ESR1: variants seen among roughly 807,000 people sequenced by gnomAD.
ESR1 encodes the protein estrogen receptor 1, also known as estrogen receptor.
A neutral mutation model predicts 52.7 loss-of-function variants in ESR1; 12 were observed. The observed-to-expected ratio is 0.23, with a 90% confidence interval of 0.15 to 0.37. The LOEUF is 0.37. Among genes scored for constraint, ESR1 ranks in the 10% least tolerant of loss-of-function variants. The pLI is 1.00. For synonymous variants in ESR1, 305 were observed against 316.8 expected, an observed-to-expected ratio of 0.96 and a Z score of 0.39; for missense variants, 584 against 779.7, an observed-to-expected ratio of 0.75 and a Z score of 2.99.
At chr6:151,932,947 G>C (rs1202969979) in intron 3 of ESR1, among the ~76,000 whole-genome samples, 97 of 151,180 alleles carry the variant, frequency 6.4e-4, no homozygotes, top group Non-Finnish European at 1.2e-3. Flanking sequence ...GCTCTTTTTT[G>C]GTTCCATATG....
chr6:151,701,759 A>G (rs1173260005), intron 1 of ESR1: 1 of 152,170 alleles, frequency 6.6e-6, no homozygotes, highest in Non-Finnish European at 1.5e-5. Flanking sequence ...AAGTGAGACT[A>G]CTTTTCTTTT....
intron 2 of ESR1, among the ~76,000 whole-genome samples, chr6:151,730,775 C>A (rs1782181032): frequency 6.6e-6 from 1 of 152,074 alleles, no homozygotes; most frequent in Admixed American, 6.6e-5. Context: ...AAAGAGTATC[C>A]CTGAAGACAT....
chr6:152,040,221 G>C (rs551674687), intron 5 of ESR1, among the ~76,000 whole-genome samples: 1 of 152,154 alleles, frequency 6.6e-6, no homozygotes, highest in Non-Finnish European at 1.5e-5. Flanking sequence ...GCCTTGGTAC[G>C]TGGAAGTCCA....
At position 151,717,825 on chromosome 6, in the gene ESR1, A is replaced by C. The variant is rs903417336; in HGVS notation, c.-71+15820A>C. On this transcript the variant is annotated intron_variant, in intron 2 of 2. Transcript: ENST00000404742. ...ATTGAATTAATAAAATTTAAGAATGAGAATAGGAATAATTGTGCTTTGAAA... is the reference window on the plus strand; with the variant it reads ...ATTGAATTAATAAAATTTAAGAATGCGAATAGGAATAATTGTGCTTTGAAA... Among the ~76,000 whole-genome samples the C allele has an allele frequency of 2.8e-4, 42 of 152,218 alleles. 2 individuals are homozygous for C. Among genetic ancestry groups the C allele is most frequent in the East Asian group, 7.7e-4 (4 of 5,204 alleles).
chr6:152,028,452 T>C (rs2044356852), intron 5 of ESR1, among the ~76,000 whole-genome samples: 1 of 152,190 alleles, frequency 6.6e-6, no homozygotes, highest in Non-Finnish European at 1.5e-5. Flanking sequence ...ACCCTAATAC[T>C]GGGCTTTTCC....
At chr6:151,712,247 C>G (rs767573239) in intron 2 of ESR1, among the ~76,000 whole-genome samples, 4 of 152,068 alleles carry the variant, frequency 2.6e-5, no homozygotes, top group Admixed American at 2.0e-4. Context: ...GTTACCGTAG[C>G]CTTGTAGTAT....
chr6:151,831,857 A>C (rs1782475884), intron 1 of ESR1, among the ~76,000 whole-genome samples: 1 of 152,120 alleles, frequency 6.6e-6, no homozygotes, highest in African/African-American at 2.4e-5. Context: ...TTATTAAACC[A>C]AGGGTCGTGC....
intron 6 of ESR1, chr6:152,112,856 C>T (rs1052178503): frequency 5.9e-5 from 9 of 152,234 alleles, no homozygotes; most frequent in African/African-American, 1.9e-4. Flanking sequence ...AAGACAAAAA[C>T]GTGAAGTCCC....
chr6:151,811,897 G>A (rs1778897380), intron 1 of ESR1, among the ~76,000 whole-genome samples: 2 of 151,960 alleles, frequency 1.3e-5, no homozygotes, highest in South Asian at 4.2e-4. Context: ...GTACCTGTTT[G>A]GAAGAAAGCT....
At chr6:151,914,662 A>C (rs1429691843) in intron 3 of ESR1, among the ~76,000 whole-genome samples, 1 of 152,202 alleles carries the variant, frequency 6.6e-6, no homozygotes, top group African/African-American at 2.4e-5. Context: ...ATCTTTTGTC[A>C]GTCCCTAGTG....
In ESR1 at chr6:151,885,977, ATCT is replaced by A. The variant is rs955761439; in HGVS notation, c.760+5208_760+5210del. 3.0e-4 allele frequency among the ~76,000 whole-genome samples: 45 copies of A among 152,188 alleles called. 1 individual carries two copies. The highest frequency in any genetic ancestry group is 1.3e-4 in the Admixed American group (2 of 15,282). On this transcript the variant is annotated intron_variant, in intron 3 of 7. Coordinates refer to ENST00000206249, the MANE Select transcript of ESR1 (RefSeq NM_000125.4). ...GCCACACAAGTGTTAGCTATTACAT[ATCT>A]TTTTTGTCTTAAAAATAATTACTAT... is the stretch of plus-strand genomic sequence containing the variant.
intron 2 of ESR1, among the ~76,000 whole-genome samples, chr6:151,786,505 T>G (rs1280140836): frequency 6.6e-6 from 1 of 152,190 alleles, no homozygotes. Context: ...ACATGCCATT[T>G]TCTCCCGATT....
exon 7 of ESR1, chr6:152,125,436 T>G: frequency 1.4e-6 from 2 of 1,465,784 alleles, no homozygotes; most frequent in Non-Finnish European, 1.8e-6. Context: ...GGCAGTTACA[T>G]GACCATGGGC....
intron 5 of ESR1, among the ~76,000 whole-genome samples, chr6:152,051,285 C>T (rs908394449): frequency 1.3e-5 from 2 of 152,208 alleles, no homozygotes; most frequent in African/African-American, 4.8e-5. Flanking sequence ...TCTAGAGAGT[C>T]AGTCATCTGC....
chr6:151,687,082 A>G (rs1017207264), upstream of ESR1, among the ~76,000 whole-genome samples: 1 of 152,110 alleles, frequency 6.6e-6, no homozygotes, highest in Admixed American at 6.5e-5. Flanking sequence ...CAGGTTTCCA[A>G]ATTCATACCC....
chr6:151,712,854 G>T (rs1363713113), intron 2 of ESR1, among the ~76,000 whole-genome samples: 1 of 152,064 alleles, frequency 6.6e-6, no homozygotes, highest in African/African-American at 2.4e-5. Context: ...GATTGCCCTG[G>T]CCAGAACTTC....
intron 4 of ESR1, among the ~76,000 whole-genome samples, chr6:151,998,910 G>C (rs1396350977): frequency 1.3e-5 from 2 of 151,976 alleles, no homozygotes; most frequent in Non-Finnish European, 2.9e-5. Context: ...ACTTTTATTG[G>C]TATCTAAGAT....
At chr6:151,864,907 G>A (rs1045357622) in intron 2 of ESR1, among the ~76,000 whole-genome samples, 1 of 139,866 alleles carries the variant, frequency 7.1e-6, no homozygotes, top group African/African-American at 2.7e-5. Flanking sequence ...TTGGACACAG[G>A]GTGGGGAACA....
intron 6 of ESR1, among the ~76,000 whole-genome samples, chr6:152,071,337 C>T (rs950579266): frequency 1.3e-5 from 2 of 151,962 alleles, no homozygotes; most frequent in African/African-American, 4.8e-5. Context: ...AATATAAAAC[C>T]ACCTGACATT....
Sources: gnomAD v4.1 joint callset for allele counts (sites outside exome capture counted in the v4.1 genomes callset) on GRCh38, gnomAD v4.1.1 for gene constraint, MANE v1.5 for transcripts, NCBI Gene and HGNC (gene_info 2026-07-23, HGNC 2026-07-21) for gene names.